The following ABTB3 variants were observed in gnomAD, a reference collection of about 807,000 sequenced individuals.
The protein encoded by ABTB3 is ankyrin repeat and BTB domain containing 3.
At chr12:107,457,029 T>A in the ABTB3 span, among the ~76,000 whole-genome samples, 1 of 152,050 alleles carries the variant, frequency 6.6e-6, no homozygotes, top group Non-Finnish European at 1.5e-5. Context: ...CCAGCTAATT[T>A]TTGCATTTTT....
chr12:107,642,040 A>G, the ABTB3 span: 3 of 1,556,488 alleles, frequency 1.9e-6, no homozygotes, highest in Non-Finnish European at 2.7e-6. Flanking sequence ...TTTGTGAGCC[A>G]TGGATTTGTG....
chr12:107,548,977 C>T, the ABTB3 span, among the ~76,000 whole-genome samples: 1 of 152,186 alleles, frequency 6.6e-6, no homozygotes, highest in African/African-American at 2.4e-5. Context: ...AGCAGCTTCA[C>T]TTGGAAAACT....
chr12:107,563,596 A>G, the ABTB3 span, among the ~76,000 whole-genome samples: 2 of 152,160 alleles, frequency 1.3e-5, no homozygotes, highest in Non-Finnish European at 1.5e-5. Flanking sequence ...AAGGTATGAT[A>G]TATGGTATTG....
chr12:107,474,228 GC>G, the ABTB3 span, among the ~76,000 whole-genome samples: 1 of 152,154 alleles, frequency 6.6e-6, no homozygotes, highest in South Asian at 2.1e-4. Flanking sequence ...CCAGCATGGG[GC>G]TGGAGAGGAG....
chr12:107,492,141 A>G, the ABTB3 span, among the ~76,000 whole-genome samples: 2 of 152,140 alleles, frequency 1.3e-5, no homozygotes, highest in African/African-American at 4.8e-5. Context: ...GCTTCCTCTG[A>G]GGAGACTTTA....
the ABTB3 span, among the ~76,000 whole-genome samples, chr12:107,409,584 CA>C: frequency 6.6e-6 from 1 of 152,224 alleles, no homozygotes; most frequent in Non-Finnish European, 1.5e-5. Context: ...AAGCCATCCT[CA>C]GCAAACTAAC....
chr12:107,637,835 G>GT, the ABTB3 span, among the ~76,000 whole-genome samples: 2 of 139,178 alleles, frequency 1.4e-5, no homozygotes, highest in African/African-American at 2.7e-5. Context: ...TGTGTGTGTG[G>GT]TATGGTGTCC....
chr12:107,574,262 C>T, the ABTB3 span, among the ~76,000 whole-genome samples: 1 of 152,220 alleles, frequency 6.6e-6, no homozygotes, highest in Non-Finnish European at 1.5e-5. Flanking sequence ...TCCTTCTATT[C>T]CATTGTCTCC....
the ABTB3 span, among the ~76,000 whole-genome samples, chr12:107,645,297 T>G: frequency 2.6e-5 from 4 of 152,188 alleles, no homozygotes; most frequent in Non-Finnish European, 5.9e-5. Context: ...AGAACCCAGG[T>G]GCTTCTGCTG....
the ABTB3 span, among the ~76,000 whole-genome samples, chr12:107,357,705 C>T: frequency 3.9e-5 from 6 of 152,182 alleles, no homozygotes; most frequent in Admixed American, 3.3e-4. Flanking sequence ...CTAAAATATC[C>T]TTTCTTTCAT....
chr12:107,466,767 ACT>A, the ABTB3 span, among the ~76,000 whole-genome samples: 7 of 151,974 alleles, frequency 4.6e-5, no homozygotes, highest in Non-Finnish European at 4.4e-5. Context: ...TTAATTAGGA[ACT>A]GTGCTGCTTT....
the ABTB3 span, among the ~76,000 whole-genome samples, chr12:107,544,406 C>T: frequency 1.3e-5 from 2 of 152,116 alleles, no homozygotes; most frequent in Non-Finnish European, 2.9e-5. Flanking sequence ...GGGTAAGGGC[C>T]TCTGCAGTGA....
the ABTB3 span, among the ~76,000 whole-genome samples, chr12:107,536,324 T>G: frequency 6.6e-6 from 1 of 152,074 alleles, no homozygotes; most frequent in Non-Finnish European, 1.5e-5. Context: ...AGGACATTGG[T>G]CTAGGCAAAG....
chr12:107,363,045 G>A, the ABTB3 span, among the ~76,000 whole-genome samples: 1 of 152,172 alleles, frequency 6.6e-6, no homozygotes, highest in South Asian at 2.1e-4. Flanking sequence ...CCCCGTATCA[G>A]CATCACCAGA....
the ABTB3 span, among the ~76,000 whole-genome samples, chr12:107,473,579 C>T: frequency 6.6e-6 from 1 of 152,184 alleles, no homozygotes; most frequent in East Asian, 1.9e-4. Flanking sequence ...GTCTCAAACT[C>T]CTGACCTCAA....
the ABTB3 span, among the ~76,000 whole-genome samples, chr12:107,479,821 G>A: frequency 6.6e-6 from 1 of 152,092 alleles, no homozygotes; most frequent in Non-Finnish European, 1.5e-5. Context: ...AGAGTTTAGT[G>A]CATACAATAA....
At chr12:107,456,738 C>T in the ABTB3 span, among the ~76,000 whole-genome samples, 1 of 152,160 alleles carries the variant, frequency 6.6e-6, no homozygotes, top group Non-Finnish European at 1.5e-5. Context: ...CCAAAAAGAT[C>T]AGGGACCGCT....
chr12:107,504,090 T>A, the ABTB3 span, among the ~76,000 whole-genome samples: 1 of 152,208 alleles, frequency 6.6e-6, no homozygotes, highest in Non-Finnish European at 1.5e-5. Flanking sequence ...GTGCAGTACC[T>A]TTTAACAGCA....
At chr12:107,624,987 T>C in the ABTB3 span, among the ~76,000 whole-genome samples, 1 of 152,210 alleles carries the variant, frequency 6.6e-6, no homozygotes, top group Non-Finnish European at 1.5e-5. Context: ...ATACCCTCAC[T>C]GTTTGGTGTT....
Sources: gnomAD v4.1 joint callset for allele counts (sites outside exome capture counted in the v4.1 genomes callset) on GRCh38, gnomAD v4.1.1 for gene constraint, MANE v1.5 for transcripts, NCBI Gene and HGNC (gene_info 2026-07-23, HGNC 2026-07-21) for gene names.